Variants in SAMHD1 observed in about 807,000 individuals in gnomAD.
SAMHD1 encodes the protein SAM and HD domain containing deoxynucleoside triphosphate triphosphohydrolase 1.
In SAMHD1, 54 loss-of-function variants were observed where a neutral mutation model predicts 79.6. The ratio of observed to expected loss-of-function variants is 0.68; its 90% CI spans 0.55 to 0.85. SAMHD1 has a LOEUF of 0.85. SAMHD1 is among the 40% of genes least tolerant of loss of function. The pLI is 0.00. For missense variants in SAMHD1, 663 were observed against 782.7 expected (o/e 0.85, Z 1.82); for synonymous variants, 260 against 264.1 (o/e 0.98, Z 0.15).
chr20:36,940,910 A>G, intron 3 of SAMHD1, 129 bp downstream of exon 3: 1 of 718,680 alleles, frequency 1.4e-6, no homozygotes, highest in Non-Finnish European at 2.4e-6. Context: ...GAAAGTTTAG[A>G]AAAGATCCAC....
intron 1 of SAMHD1, 173 bp from the exon 2 acceptor site, chr20:36,946,977 T>A (rs2063690847): frequency 2.1e-6 from 1 of 479,240 alleles, no homozygotes; most frequent in African/African-American, 2.0e-5. Flanking sequence ...TAATTTTAAT[T>A]AAATAACTAA....
intron 5 of SAMHD1, among the ~76,000 whole-genome samples, chr20:36,930,325 G>A (rs1383961730): frequency 1.3e-5 from 2 of 151,728 alleles, no homozygotes; most frequent in East Asian, 1.9e-4. Context: ...GTGAAACCCC[G>A]TCTCTGCTAA....
chr20:36,930,766 C>T lies in SAMHD1; in HGVS notation c.619G>A (p.Asp207Asn). The T allele has an allele frequency of 1.9e-6, 3 of 1,608,796 alleles. No individual in the cohort carries two copies. The highest frequency in any genetic ancestry group is 2.6e-6 in the Non-Finnish European group (3 of 1,175,356). The change falls in exon 5 of 16, where the codon GAT becomes AAT. Residue 207 changes from aspartate to asparagine, a missense_variant. By Grantham distance (23) the Asp-to-Asn change is conservative. Coordinates refer to ENST00000646673, the MANE Select transcript of SAMHD1 (RefSeq NM_015474.4). ...GTCTCTTTGTACAGCTTACCGAGATCATGACAAAGTCCAGCAATCTGAACA... is the reference window on the plus strand; with the variant it reads ...GTCTCTTTGTACAGCTTACCGAGATTATGACAAAGTCCAGCAATCTGAACA... ...LCVQIAGLCH[D>N]LGHGPFSHMF...
chr20:36,949,189 G>A (rs927933497), intron 1 of SAMHD1, among the ~76,000 whole-genome samples: 3 of 151,920 alleles, frequency 2.0e-5, no homozygotes, highest in South Asian at 2.1e-4. Flanking sequence ...ACTTGAACCC[G>A]AGAGGCAGAG....
chr20:36,934,208 A>G (rs1485763430), intron 4 of SAMHD1, among the ~76,000 whole-genome samples: 1 of 149,992 alleles, frequency 6.7e-6, no homozygotes, highest in African/African-American at 2.5e-5. Context: ...AAAATAAATA[A>G]ATTGCAACAA....
At chr20:36,939,066 T>G (rs1451621540) in intron 3 of SAMHD1, among the ~76,000 whole-genome samples, 18 of 15,966 alleles carry the variant, frequency 1.1e-3, no homozygotes, top group African/African-American at 4.6e-3. Context: ...TTGCCTCTAC[T>G]AAAAATACCA....
intron 12 of SAMHD1, chr20:36,904,494 G>A (rs187679554): frequency 2.1e-4 from 94 of 440,210 alleles, no homozygotes; most frequent in African/African-American, 1.7e-3. Context: ...CCAGGTGGGC[G>A]GATCATGAGG....
At chr20:36,925,525 C>T (rs745714791) in intron 6 of SAMHD1, among the ~76,000 whole-genome samples, 6 of 152,118 alleles carry the variant, frequency 3.9e-5, no homozygotes, top group African/African-American at 9.7e-5. Context: ...AAATTGAAAA[C>T]GTCTGTTTTT....
rs997685743 is a variant in SAMHD1, at chr20:36,905,432, T to C, written c.1342A>G (p.Ile448Val). 6.2e-7 allele frequency: 1 copy of C among 1,613,614 alleles called. No homozygotes were observed. Among genetic ancestry groups the C allele is most frequent in the Non-Finnish European group, 8.5e-7 (1 of 1,179,658 alleles). The change falls in exon 12 of 16, where the codon ATT (isoleucine) becomes GTT (valine). Residue 448 changes from isoleucine to valine, a missense_variant. Ile to Val is a conservative substitution (Grantham distance 29, BLOSUM62 3). Transcript: ENST00000646673. ...TACTTGAATAGATTACGGTATTCAA[T>C]TTGTTTTAAAATCTCTCGTGCGTCT... is the stretch of plus-strand genomic sequence containing the variant. Reference protein sequence around the residue: ...LKDAREILKQIEYRNLFKYVG... With the variant: ...LKDAREILKQVEYRNLFKYVG...
At chr20:36,928,108 C>T (rs1195708625) in intron 5 of SAMHD1, among the ~76,000 whole-genome samples, 1 of 152,150 alleles carries the variant, frequency 6.6e-6, no homozygotes, top group East Asian at 1.9e-4. Flanking sequence ...CCACTAGGGC[C>T]AGGTGTGGTG....
chr20:36,924,709 T>C (rs1432101698), intron 6 of SAMHD1, among the ~76,000 whole-genome samples: 2 of 152,166 alleles, frequency 1.3e-5, no homozygotes, highest in Non-Finnish European at 2.9e-5. Context: ...GGGGCTCATA[T>C]TTCTCAGATA....
In SAMHD1 at chr20:36,951,707, C is replaced by G; in HGVS notation, c.-64G>C. 1 of 1,607,756 alleles carries G rather than the reference C, an allele frequency of 6.2e-7. No homozygotes were observed. Among genetic ancestry groups the G allele is most frequent in the Non-Finnish European group, 8.5e-7 (1 of 1,179,752 alleles). ...GGCGCCGGACCCGCGCGCAGGCGCA[C>G]TGACAGCAGGGCCCTGGCGGGGAGT... On this transcript the variant is annotated 5_prime_UTR_variant, in exon 1 of 16. Coordinates refer to ENST00000646673, the MANE Select transcript of SAMHD1 (RefSeq NM_015474.4).
chr20:36,932,116 C>G (rs2063571247), intron 4 of SAMHD1, among the ~76,000 whole-genome samples: 1 of 151,882 alleles, frequency 6.6e-6, no homozygotes, highest in Admixed American at 6.6e-5. Context: ...TCCATCTCTA[C>G]TAAAAATACA....
At chr20:36,904,495 G>A (rs2063394194) in intron 12 of SAMHD1, 1 of 440,846 alleles carries the variant, frequency 2.3e-6, no homozygotes, top group African/African-American at 2.0e-5. Flanking sequence ...CAGGTGGGCG[G>A]ATCATGAGGT....
At chr20:36,899,170 C>T (rs997573055) in intron 13 of SAMHD1, among the ~76,000 whole-genome samples, 3 of 151,106 alleles carry the variant, frequency 2.0e-5, no homozygotes, top group Non-Finnish European at 4.4e-5. Flanking sequence ...AAATAAAATC[C>T]CAGGCCGGAC....
At chr20:36,943,868 G>A (rs1264066209) in intron 2 of SAMHD1, among the ~76,000 whole-genome samples, 1 of 151,476 alleles carries the variant, frequency 6.6e-6, no homozygotes, top group Non-Finnish European at 1.5e-5. Flanking sequence ...TCATGAGGTC[G>A]GGAGTTCAAG....
intron 2 of SAMHD1, among the ~76,000 whole-genome samples, chr20:36,945,224 C>CT (rs756011064): frequency 2.0e-5 from 3 of 152,182 alleles, no homozygotes; most frequent in Non-Finnish European, 4.4e-5. Flanking sequence ...TTCTGTATCA[C>CT]TATCTATAAA....
At position 36,905,263 on chromosome 20, in the gene SAMHD1, A is replaced by G. The variant is rs1601119412; in HGVS notation, c.1410+101T>C. On this transcript the variant is annotated intron_variant, in intron 12 of 15. Transcript: ENST00000646673. Reference sequence around the variant, plus strand: ...GTGAAGATTAAATGAGAATAAACGTAAAGCACTTAGTACAGAGTCATAGTA... The same window carrying G: ...GTGAAGATTAAATGAGAATAAACGTGAAGCACTTAGTACAGAGTCATAGTA... The G allele has an allele frequency of 2.3e-6, 3 of 1,286,272 alleles. No individual in the cohort carries two copies. The South Asian group carries it at 3.6e-5, about 15-fold the overall frequency. 79.7% of individuals were successfully genotyped at this position (1,286,272 alleles called of 1,614,324 possible). A position where few individuals can be genotyped will look rare whatever the true frequency, so the allele number is the denominator to read the frequency against.
chr20:36,937,884 G>T (rs1326407745), intron 3 of SAMHD1, among the ~76,000 whole-genome samples: 12 of 145,338 alleles, frequency 8.3e-5, no homozygotes, highest in Non-Finnish European at 6.0e-5. Context: ...TTGAGACAGG[G>T]TCTCACTCTG....
Sources: gnomAD v4.1 joint callset for allele counts (sites outside exome capture counted in the v4.1 genomes callset) on GRCh38, gnomAD v4.1.1 for gene constraint, MANE v1.5 for transcripts, NCBI Gene and HGNC (gene_info 2026-07-23, HGNC 2026-07-21) for gene names.